The following TBC1D2B variants were observed in gnomAD, a reference collection of about 807,000 sequenced individuals.
TBC1D2B encodes the protein TBC1 domain family member 2B, also known as TBC1 domain family, member 2B.
A neutral mutation model predicts 100.8 loss-of-function variants in TBC1D2B; 64 were observed. The observed-to-expected ratio is 0.64, with a 90% CI of 0.52 to 0.78. The LOEUF (loss-of-function observed/expected upper bound fraction) is 0.78. Ranked by LOEUF, TBC1D2B falls within the 30% of genes least tolerant of loss-of-function variation. The probability of loss-of-function intolerance (pLI) is 0.00; values close to 1 mark genes in which losing one functional copy is unlikely to be tolerated. For missense variants in TBC1D2B, 1,052 were observed against 1,218.4 expected, an observed-to-expected ratio of 0.86 and a Z score of 2.03; for synonymous variants, 480 against 479.7, an observed-to-expected ratio of 1.00 and a Z score of -0.01.
intron 3 of TBC1D2B, among the ~76,000 whole-genome samples, chr15:78,032,896 C>T (rs1388568953): frequency 6.6e-6 from 1 of 151,984 alleles, no homozygotes; most frequent in Admixed American, 6.6e-5. Context: ...ATGAGTCGGT[C>T]ACTGAAGGGG....
intron 11 of TBC1D2B, chr15:78,002,019 A>C: frequency 4.5e-6 from 1 of 222,314 alleles, no homozygotes. Context: ...CATACTCAGA[A>C]AACACTTCTA....
chr15:78,044,188 TTGATTGTGG>T (rs1191274115), intron 3 of TBC1D2B, among the ~76,000 whole-genome samples: 2 of 152,148 alleles, frequency 1.3e-5, no homozygotes, highest in Non-Finnish European at 2.9e-5. Flanking sequence ...CATTTAAAAA[TTGATTGTGG>T]TGATGGAAGC....
chr15:78,040,888 G>GAAAGAAAGAAAGAA (rs1567026304), intron 3 of TBC1D2B, among the ~76,000 whole-genome samples: 2 of 122,482 alleles, frequency 1.6e-5, no homozygotes, highest in East Asian at 2.5e-4. Context: ...GAAAGAGAGA[G>GAAAGAAAGAAAGAA]AGAGAGAAAG....
At chr15:78,064,301 C>G (rs1269717307) in intron 1 of TBC1D2B, among the ~76,000 whole-genome samples, 1 of 152,170 alleles carries the variant, frequency 6.6e-6, no homozygotes, top group African/African-American at 2.4e-5. Context: ...GGGTTATGAA[C>G]TCTGGGTTCC....
chr15:78,000,922 C>T (rs1300120167), intron 12 of TBC1D2B, among the ~76,000 whole-genome samples: 1 of 152,230 alleles, frequency 6.6e-6, no homozygotes, highest in African/African-American at 2.4e-5. Flanking sequence ...CTAGAGCCCT[C>T]TAACAGCCAC....
chr15:78,006,382 C>T lies in TBC1D2B; in HGVS notation c.2388+2615G>A, dbSNP rs182155494. ...TTGCTGTTCATTTCCTACACACCAACGCAACAGAACAATACATTTCTTGGG... is the reference window on the plus strand; with the variant it reads ...TTGCTGTTCATTTCCTACACACCAATGCAACAGAACAATACATTTCTTGGG... On this transcript the variant is annotated intron_variant, in intron 10 of 12. Transcript: ENST00000300584. Among the ~76,000 whole-genome samples the T allele has an allele frequency of 2.8e-4, 42 of 152,278 alleles. No homozygotes were observed. The South Asian group carries it at 4.3e-3, about 16-fold the overall frequency.
At chr15:78,025,563 G>C in intron 4 of TBC1D2B, 66 bp from the exon 5 acceptor site, 1 of 1,274,688 alleles carries the variant, frequency 7.8e-7, no homozygotes, top group Non-Finnish European at 1.1e-6. Flanking sequence ...GTGTCGGTCT[G>C]TCGCCCAGGC....
chr15:78,043,725 A>AT (rs2073136626), intron 3 of TBC1D2B, among the ~76,000 whole-genome samples: 1 of 152,216 alleles, frequency 6.6e-6, no homozygotes, highest in Non-Finnish European at 1.5e-5. Context: ...TTTATATGAA[A>AT]TGTCCACAAT....
intron 4 of TBC1D2B, among the ~76,000 whole-genome samples, chr15:78,027,076 G>A (rs1005714250): frequency 1.3e-5 from 2 of 151,906 alleles, no homozygotes; most frequent in Non-Finnish European, 2.9e-5. Context: ...AAATACTATG[G>A]GATCTAAATA....
intron 3 of TBC1D2B, 126 bp downstream of exon 3, chr15:78,044,757 AATGATCTATGGGAAAGT>A: frequency 1.3e-6 from 1 of 752,306 alleles, no homozygotes; most frequent in East Asian, 2.7e-5. Flanking sequence ...CTAAAACCAC[AATGATCTATGGGAAAGT>A]ATGATGTAAA....
intron 1 of TBC1D2B, among the ~76,000 whole-genome samples, chr15:78,071,783 A>G (rs1201580009): frequency 6.6e-6 from 1 of 152,190 alleles, no homozygotes; most frequent in Non-Finnish European, 1.5e-5. Context: ...TCATGCAACA[A>G]ATGTCTACCT....
At chr15:78,031,140 G>A (rs1231592750) in intron 3 of TBC1D2B, among the ~76,000 whole-genome samples, 1 of 152,192 alleles carries the variant, frequency 6.6e-6, no homozygotes, top group Non-Finnish European at 1.5e-5. Context: ...TATTAACAGA[G>A]ACTACTTATG....
At chr15:78,068,491 T>C (rs2073697217) in intron 1 of TBC1D2B, among the ~76,000 whole-genome samples, 1 of 151,898 alleles carries the variant, frequency 6.6e-6, no homozygotes, top group Non-Finnish European at 1.5e-5. Context: ...CCTCTAAGTA[T>C]GAAAGGCACA....
intron 9 of TBC1D2B, among the ~76,000 whole-genome samples, chr15:78,011,022 G>A (rs538375203): frequency 1.1e-4 from 16 of 152,272 alleles, no homozygotes; most frequent in African/African-American, 3.6e-4. Context: ...CGGGTTTCCA[G>A]CTTCCAGGAA....
chr15:78,008,728 T>G (rs2072139387), intron 10 of TBC1D2B, among the ~76,000 whole-genome samples: 1 of 152,200 alleles, frequency 6.6e-6, no homozygotes. Context: ...GGGAAGACAG[T>G]GCAGAGCAGT....
chr15:78,074,681 C>A (rs929224390), intron 1 of TBC1D2B, among the ~76,000 whole-genome samples: 1 of 152,184 alleles, frequency 6.6e-6, no homozygotes, highest in Non-Finnish European at 1.5e-5. Context: ...CCATAAAGCT[C>A]TTCCCCTCGC....
chr15:78,046,844 T>C (rs1458762909), intron 2 of TBC1D2B, among the ~76,000 whole-genome samples: 1 of 151,956 alleles, frequency 6.6e-6, no homozygotes, highest in Non-Finnish European at 1.5e-5. Flanking sequence ...TAAAGGTCAC[T>C]GAGCACTGGT....
At chr15:78,055,492 T>C (rs913823074) in intron 1 of TBC1D2B, among the ~76,000 whole-genome samples, 8 of 152,282 alleles carry the variant, frequency 5.3e-5, no homozygotes, top group Admixed American at 3.9e-4. Flanking sequence ...TCCAGTGACA[T>C]GTGCAGACAT....
At chr15:78,055,964 C>T (rs913368406) in intron 1 of TBC1D2B, among the ~76,000 whole-genome samples, 35 of 152,186 alleles carry the variant, frequency 2.3e-4, no homozygotes, top group African/African-American at 8.4e-4. Context: ...AGGGGAGGTG[C>T]AGCAAAGGAC....
Sources: gnomAD v4.1 joint callset for allele counts (sites outside exome capture counted in the v4.1 genomes callset) on GRCh38, gnomAD v4.1.1 for gene constraint, MANE v1.5 for transcripts, NCBI Gene and HGNC (gene_info 2026-07-23, HGNC 2026-07-21) for gene names.